Variants in CCDC7 observed in about 807,000 individuals in gnomAD.
CCDC7 encodes the protein coiled-coil domain containing 7, also known as coiled-coil domain-containing protein 7.
A neutral mutation model predicts 196.9 loss-of-function variants in CCDC7; 183 were observed. That is an observed-to-expected ratio of 0.93 (90% CI 0.82 to 1.05). CCDC7 has a LOEUF of 1.05. Among genes scored for constraint, CCDC7 ranks in the 50% least tolerant of loss-of-function variants. CCDC7 has a pLI of 0.00. For synonymous variants in CCDC7, 525 were observed against 484.6 expected (o/e 1.08, Z -1.10); for missense variants, 1,540 against 1,482.2 (o/e 1.04, Z -0.64).
At chr10:32,820,710 T>C (rs2089993704) in intron 31 of CCDC7, among the ~76,000 whole-genome samples, 3 of 152,096 alleles carry the variant, frequency 2.0e-5, no homozygotes, top group Non-Finnish European at 4.4e-5. Flanking sequence ...AAACAAGAAA[T>C]GGGGAAAGGA....
At chr10:32,857,816 A>G (rs988657235) in intron 41 of CCDC7, among the ~76,000 whole-genome samples, 3 of 149,080 alleles carry the variant, frequency 2.0e-5, no homozygotes, top group East Asian at 1.9e-4. Flanking sequence ...AAAACTATAG[A>G]AAAAAAAATC....
intron 15 of CCDC7, 116 bp downstream of exon 16, chr10:32,568,007 T>TTGA (rs374101024): frequency 1.9e-6 from 1 of 526,094 alleles, no homozygotes; most frequent in East Asian, 6.2e-5. Context: ...TGTTTTTGGG[T>TTGA]TTTTTTTTTT....
At chr10:32,690,932 G>T (rs1474871224) in intron 23 of CCDC7, among the ~76,000 whole-genome samples, 1 of 152,168 alleles carries the variant, frequency 6.6e-6, no homozygotes, top group African/African-American at 2.4e-5. Context: ...GGTCATTTTG[G>T]TGGTGTCCTC....
intron 28 of CCDC7, among the ~76,000 whole-genome samples, chr10:32,776,222 G>T (rs1357283627): frequency 6.7e-6 from 1 of 150,232 alleles, no homozygotes; most frequent in Non-Finnish European, 1.5e-5. Context: ...CATGGCACAT[G>T]TATACATATG....
chr10:32,839,682 C>A (rs2092845113), intron 33 of CCDC7, among the ~76,000 whole-genome samples: 1 of 151,962 alleles, frequency 6.6e-6, no homozygotes, highest in African/African-American at 2.4e-5. Flanking sequence ...ACATTCTACT[C>A]AACAACTGCA....
In CCDC7 at chr10:32,713,901, G is replaced by A. The variant is rs564325235; in HGVS notation, c.2569+2171G>A. On this transcript the variant is annotated intron_variant, in intron 25 of 41. Transcript: ENST00000639629. Reference sequence around the variant, plus strand: ...TATCTGATTGACATGACCTTAGGAGGAGGTTTGATAACCAGCAGAATTGAA... The same window carrying A: ...TATCTGATTGACATGACCTTAGGAGAAGGTTTGATAACCAGCAGAATTGAA... 3.3e-5 allele frequency among the ~76,000 whole-genome samples: 5 copies of A among 152,332 alleles called. No individual in the cohort carries two copies. In the East Asian group the frequency reaches 7.7e-4, roughly 23 times the overall value.
intron 39 of CCDC7, among the ~76,000 whole-genome samples, chr10:32,850,910 G>A (rs1002931060): frequency 6.6e-6 from 1 of 151,696 alleles, no homozygotes; most frequent in Non-Finnish European, 1.5e-5. Context: ...GGCAAATATG[G>A]CAGTCAATAA....
chr10:32,473,701 G>A (rs969772432), intron 7 of CCDC7, among the ~76,000 whole-genome samples: 1 of 152,036 alleles, frequency 6.6e-6, no homozygotes, highest in African/African-American at 2.4e-5. Flanking sequence ...GATAATGATG[G>A]TACCATCAAT....
intron 28 of CCDC7, among the ~76,000 whole-genome samples, chr10:32,753,672 C>T (rs530761313): frequency 1.5e-4 from 23 of 152,270 alleles, no homozygotes; most frequent in South Asian, 4.1e-4. Context: ...GAACCTCTCA[C>T]GCAAACTCTT....
chr10:32,490,900 C>G (rs1589133333), intron 8 of CCDC7, among the ~76,000 whole-genome samples: 1 of 151,998 alleles, frequency 6.6e-6, no homozygotes, highest in Admixed American at 6.6e-5. Flanking sequence ...AAATTTAATT[C>G]TTACGAAGCT....
At chr10:32,846,274 T>C (rs2093288645) in intron 36 of CCDC7, 102 bp from the exon 38 acceptor site, 1 of 706,716 alleles carries the variant, frequency 1.4e-6, no homozygotes, top group Non-Finnish European at 2.4e-6. Flanking sequence ...ATTGGTGAAA[T>C]TCTTCATGAA....
chr10:32,640,231 T>G (rs983107983), intron 20 of CCDC7, among the ~76,000 whole-genome samples: 1 of 152,228 alleles, frequency 6.6e-6, no homozygotes, highest in Non-Finnish European at 1.5e-5. Context: ...GCTCCTGTAT[T>G]GGGTGCATAC....
At chr10:32,745,162 G>A (rs1474317096) in intron 28 of CCDC7, among the ~76,000 whole-genome samples, 1 of 152,100 alleles carries the variant, frequency 6.6e-6, no homozygotes, top group Non-Finnish European at 1.5e-5. Flanking sequence ...TCTCTGTTCT[G>A]TGCCATTGAT....
Position 32,814,455 on chromosome 10 carries a change from T to C in CCDC7, c.3181+2T>C. On this transcript the variant is annotated splice_donor_variant, in intron 31 of 41. Coordinates refer to ENST00000639629, the Ensembl canonical transcript of CCDC7. LOFTEE classifies it high-confidence loss of function. ...AGACACGATCAAAGAGTCTCCCTGG[T>C]AAGAACAAAAACTTTACACATTTAG... The C allele has an allele frequency of 6.3e-7, 1 of 1,597,028 alleles. No homozygotes were observed. The highest frequency in any genetic ancestry group is 8.6e-7 in the Non-Finnish European group (1 of 1,165,862).
intron 28 of CCDC7, among the ~76,000 whole-genome samples, chr10:32,768,170 T>G (rs1188097948): frequency 6.6e-6 from 1 of 152,152 alleles, no homozygotes; most frequent in Admixed American, 6.6e-5. Flanking sequence ...TATTTAACAT[T>G]ACAAGTATGG....
chr10:32,529,810 A>C (rs927087141), intron 11 of CCDC7, among the ~76,000 whole-genome samples: 1 of 151,902 alleles, frequency 6.6e-6, no homozygotes, highest in Non-Finnish European at 1.5e-5. Flanking sequence ...TTTTTGTTGC[A>C]TTTGCTTTTG....
chr10:32,853,388 T>G (rs2093636471), intron 40 of CCDC7, among the ~76,000 whole-genome samples: 1 of 152,198 alleles, frequency 6.6e-6, no homozygotes, highest in Non-Finnish European at 1.5e-5. Flanking sequence ...CGAAAGCATT[T>G]GGCCTTTGAA....
intron 18 of CCDC7, among the ~76,000 whole-genome samples, chr10:32,621,330 G>A (rs1474888697): frequency 1.3e-5 from 2 of 151,948 alleles, no homozygotes; most frequent in African/African-American, 4.8e-5. Context: ...AGACTTTTTT[G>A]TTAGGATTCC....
intron 33 of CCDC7, among the ~76,000 whole-genome samples, chr10:32,840,226 A>G (rs1284458133): frequency 6.6e-6 from 1 of 152,096 alleles, no homozygotes; most frequent in African/African-American, 2.4e-5. Context: ...GGTTATTTGA[A>G]AAGATAAATA....
Sources: gnomAD v4.1 joint callset for allele counts (sites outside exome capture counted in the v4.1 genomes callset) on GRCh38, gnomAD v4.1.1 for gene constraint, MANE v1.5 for transcripts, NCBI Gene and HGNC (gene_info 2026-07-23, HGNC 2026-07-21) for gene names.